Variants in SYNJ2BP observed in about 807,000 individuals in gnomAD.
SYNJ2BP encodes the protein synaptojanin-2-binding protein.
Under a neutral mutation model 16.9 loss-of-function variants are expected in SYNJ2BP, and 10 were observed. That is an observed-to-expected ratio of 0.59 (90% CI 0.36 to 1.00). The LOEUF is 1.00. Ranked by LOEUF, SYNJ2BP falls within the 50% of genes least tolerant of loss-of-function variation. The pLI, the probability that SYNJ2BP is intolerant of heterozygous loss-of-function variation, is 0.01. For missense variants in SYNJ2BP, 162 were observed against 186.7 expected (o/e 0.87, Z 0.77); for synonymous variants, 54 against 68.4 (o/e 0.79, Z 1.04).
chr14:70,386,467 T>C (rs572028965), intron 2 of SYNJ2BP, among the ~76,000 whole-genome samples: 1 of 152,336 alleles, frequency 6.6e-6, no homozygotes, highest in South Asian at 2.1e-4. Flanking sequence ...CGAGGACACA[T>C]GCTTAGACAT....
At chr14:70,397,264 C>CTATA (rs139489096) in intron 1 of SYNJ2BP, among the ~76,000 whole-genome samples, 2,309 of 150,876 alleles carry the variant, frequency 0.015, 31 homozygotes, top group South Asian at 0.036. Flanking sequence ...ATGATGTGTT[C>CTATA]TATATATATA....
At chr14:70,376,401 G>A (rs764969833) in intron 2 of SYNJ2BP, among the ~76,000 whole-genome samples, 15 of 152,142 alleles carry the variant, frequency 9.9e-5, no homozygotes, top group Non-Finnish European at 1.6e-4. Context: ...AAATTTCAGT[G>A]TAGGTCACTC....
chr14:70,381,334 A>T (rs1887745807), intron 2 of SYNJ2BP, among the ~76,000 whole-genome samples: 1 of 152,234 alleles, frequency 6.6e-6, no homozygotes, highest in East Asian at 1.9e-4. Flanking sequence ...CGTTATTCTA[A>T]TGACTACTTT....
rs534463405 is a variant in SYNJ2BP at position 70,398,811 on chromosome 14, G to A, written c.65-10205C>T. ...GGGGGCTCCAGGTCCTCATTGGGCC[G>A]GGGCAAATATTCAGAGCAGGAGTGA... On this transcript the variant is annotated intron_variant, in intron 1 of 3. Transcript: ENST00000256366. Among the ~76,000 whole-genome samples the A allele has an allele frequency of 3.9e-4, 59 of 152,268 alleles. No homozygotes were observed. In the South Asian group the frequency reaches 8.1e-3, roughly 21 times the overall value.
chr14:70,416,860 C>A, intron 1 of SYNJ2BP, 40 bp downstream of exon 1: 2 of 1,613,902 alleles, frequency 1.2e-6, no homozygotes, highest in Non-Finnish European at 1.7e-6. Flanking sequence ...ATTACACCCT[C>A]TAATCCCCTA....
At chr14:70,375,540 C>G in intron 3 of SYNJ2BP, 136 bp downstream of exon 3, 1 of 1,141,252 alleles carries the variant, frequency 8.8e-7, no homozygotes, top group East Asian at 2.6e-5. Flanking sequence ...CAATGGACCC[C>G]TCCCTTTGCC....
chr14:70,391,313 G>A (rs1887976934), intron 1 of SYNJ2BP, among the ~76,000 whole-genome samples: 1 of 152,118 alleles, frequency 6.6e-6, no homozygotes, highest in Admixed American at 6.5e-5. Context: ...TGCTACTTCT[G>A]GAAGATGCTA....
At chr14:70,393,065 C>A (rs1445382709) in intron 1 of SYNJ2BP, among the ~76,000 whole-genome samples, 1 of 152,148 alleles carries the variant, frequency 6.6e-6, no homozygotes, top group Non-Finnish European at 1.5e-5. Context: ...ATCCATCTGA[C>A]AAAGGGCTAA....
intron 3 of SYNJ2BP, among the ~76,000 whole-genome samples, chr14:70,374,891 T>C (rs1257689439): frequency 2.6e-5 from 4 of 152,006 alleles, no homozygotes; most frequent in African/African-American, 9.7e-5. Context: ...TCTTTTTAAT[T>C]AATTAATTTA....
rs1284870730 is a variant in SYNJ2BP at position 70,368,371 on chromosome 14, T to C, written c.*4620A>G. On this transcript the variant is annotated 3_prime_UTR_variant, in exon 4 of 4. Coordinates refer to ENST00000256366, the MANE Select transcript of SYNJ2BP (RefSeq NM_018373.3). The stretch of plus-strand genomic sequence containing the variant: ...AAAATGGGTAGTCTGTGTATTCATG[T>C]AGTGAATATATTCAAGACATAAATA... 1.3e-5 allele frequency: 2 copies of C among 152,212 alleles called. No individual in the cohort carries two copies. The highest frequency in any genetic ancestry group is 4.8e-5 in the African/African-American group (2 of 41,458). 9.4% of individuals were successfully genotyped at this position (152,212 alleles called of 1,614,324 possible).
intron 1 of SYNJ2BP, among the ~76,000 whole-genome samples, chr14:70,413,565 G>A (rs898043621): frequency 1.3e-5 from 2 of 152,210 alleles, no homozygotes; most frequent in Non-Finnish European, 2.9e-5. Context: ...CTTGAACCTG[G>A]GAGGCAGAGG....
chr14:70,393,051 A>C (rs1888013296), intron 1 of SYNJ2BP, among the ~76,000 whole-genome samples: 1 of 152,234 alleles, frequency 6.6e-6, no homozygotes, highest in South Asian at 2.1e-4. Flanking sequence ...AATTTTTGCA[A>C]TCTATCCATC....
chr14:70,414,738 A>G (rs1261408127), intron 1 of SYNJ2BP, among the ~76,000 whole-genome samples: 1 of 152,220 alleles, frequency 6.6e-6, no homozygotes, highest in African/African-American at 2.4e-5. Flanking sequence ...AAGAAGAAAG[A>G]GGCAAAACAG....
rs1187155292 is a variant in SYNJ2BP at position 70,371,337 on chromosome 14, T to C, written c.*1654A>G. ...TACCTCCTAAAGCAAACAAAACTCT[T>C]TTCCTCCCTCTTGCTGCAAAAAGGT... On this transcript the variant is annotated 3_prime_UTR_variant, in exon 4 of 4. Coordinates refer to ENST00000256366, the MANE Select transcript of SYNJ2BP (RefSeq NM_018373.3). 1 of 152,244 alleles carries C rather than the reference T, an allele frequency of 6.6e-6. No homozygotes were observed. The highest frequency in any genetic ancestry group is 2.4e-5 in the African/African-American group (1 of 41,460). 9.4% of individuals were successfully genotyped at this position (152,244 alleles called of 1,614,324 possible). A position where few individuals can be genotyped will look rare whatever the true frequency, so the allele number is the denominator to read the frequency against.
intron 1 of SYNJ2BP, among the ~76,000 whole-genome samples, chr14:70,390,677 A>C (rs968539064): frequency 6.6e-6 from 1 of 151,852 alleles, no homozygotes; most frequent in African/African-American, 2.4e-5. Flanking sequence ...CAAAAAAAAA[A>C]ATAAAAAAGA....
intron 1 of SYNJ2BP, among the ~76,000 whole-genome samples, chr14:70,396,327 C>T (rs1373253399): frequency 2.0e-5 from 3 of 152,122 alleles, no homozygotes; most frequent in Admixed American, 2.0e-4. Flanking sequence ...CCATGTTAGC[C>T]AGGATGGTCT....
chr14:70,402,205 C>T (rs1395441922), intron 1 of SYNJ2BP, among the ~76,000 whole-genome samples: 1 of 152,158 alleles, frequency 6.6e-6, no homozygotes, highest in African/African-American at 2.4e-5. Flanking sequence ...CCAGAGATTA[C>T]TTTGTACTGT....
chr14:70,375,193 TTC>T (rs1491262714), intron 3 of SYNJ2BP, among the ~76,000 whole-genome samples: 1 of 144,474 alleles, frequency 6.9e-6, no homozygotes, highest in Non-Finnish European at 1.5e-5. Flanking sequence ...TCTCTTTTTT[TTC>T]TCTTTTTTTC....
chr14:70,368,843 T>C lies in SYNJ2BP; in HGVS notation c.*4148A>G, dbSNP rs1887453810. On this transcript the variant is annotated 3_prime_UTR_variant, in exon 4 of 4. Transcript: ENST00000256366. ...CAGAATCACTCAATGAACTTTATTT[T>C]ACTGCTGCTTGAGTCCCACCCTCAG... 1.3e-5 allele frequency: 2 copies of C among 152,228 alleles called. No individual in the cohort carries two copies. The highest frequency in any genetic ancestry group is 2.9e-5 in the Non-Finnish European group (2 of 68,046). The allele number at this position is 152,228 out of a possible 1,614,324, so 9.4% of individuals were successfully genotyped here.
Sources: gnomAD v4.1 joint callset for allele counts (sites outside exome capture counted in the v4.1 genomes callset) on GRCh38, gnomAD v4.1.1 for gene constraint, MANE v1.5 for transcripts, NCBI Gene and HGNC (gene_info 2026-07-23, HGNC 2026-07-21) for gene names.